CSMD1: variants seen among roughly 807,000 people sequenced by gnomAD.
The protein encoded by CSMD1 is CUB and Sushi multiple domains 1, also known as CUB and sushi domain-containing protein 1.
A neutral mutation model predicts 417.5 loss-of-function variants in CSMD1; 213 were observed. The observed-to-expected ratio is 0.51, with a 90% CI of 0.46 to 0.57. CSMD1 has a LOEUF of 0.57. Among genes scored for constraint, CSMD1 ranks in the 20% least tolerant of loss-of-function variants. The pLI is 0.00. For missense variants in CSMD1, 6,923 were observed against 4,529.7 expected (o/e 1.53, Z -15.17); for synonymous variants, 2,862 against 1,736.8 (o/e 1.65, Z -16.11).
At chr8:3,996,936 G>T (rs992322576) in intron 5 of CSMD1, among the ~76,000 whole-genome samples, 1 of 152,114 alleles carries the variant, frequency 6.6e-6, no homozygotes, top group African/African-American at 2.4e-5. Context: ...TGACATGTTT[G>T]TCTGGTAGCC....
At chr8:4,052,998 A>G (rs1798511085) in intron 3 of CSMD1, among the ~76,000 whole-genome samples, 1 of 152,164 alleles carries the variant, frequency 6.6e-6, no homozygotes, top group Admixed American at 6.5e-5. Context: ...TCAGCTAAAG[A>G]AGTGGCCTTA....
chr8:3,047,230 A>C (rs1222186953), intron 50 of CSMD1, among the ~76,000 whole-genome samples: 1 of 148,590 alleles, frequency 6.7e-6, no homozygotes, highest in Non-Finnish European at 1.5e-5. Flanking sequence ...AAAAAAAAAA[A>C]AAAAAAAAGA....
intron 3 of CSMD1, among the ~76,000 whole-genome samples, chr8:4,384,024 C>G (rs1315060906): frequency 6.7e-6 from 1 of 148,902 alleles, no homozygotes; most frequent in Non-Finnish European, 1.5e-5. Flanking sequence ...CACCCCCCGC[C>G]TCATAACAGA....
At chr8:4,819,230 TTAACTAG>T (rs1449806015) in intron 1 of CSMD1, among the ~76,000 whole-genome samples, 1 of 152,148 alleles carries the variant, frequency 6.6e-6, no homozygotes, top group East Asian at 1.9e-4. Flanking sequence ...TATTACAATA[TTAACTAG>T]TATTTGGCAT....
chr8:4,946,766 A>T (rs1808397422), intron 1 of CSMD1, among the ~76,000 whole-genome samples: 2 of 152,200 alleles, frequency 1.3e-5, no homozygotes, highest in African/African-American at 2.4e-5. Flanking sequence ...TATAACACCA[A>T]TGTTACTGGC....
intron 2 of CSMD1, among the ~76,000 whole-genome samples, chr8:4,578,380 C>T (rs1469851564): frequency 5.2e-5 from 7 of 134,654 alleles, no homozygotes; most frequent in African/African-American, 2.1e-4. Flanking sequence ...GGGGTTTCAC[C>T]GTGTTAGCCA....
intron 2 of CSMD1, among the ~76,000 whole-genome samples, chr8:4,566,212 G>A (rs1186180070): frequency 6.6e-6 from 1 of 152,040 alleles, no homozygotes; most frequent in Non-Finnish European, 1.5e-5. Context: ...TAGTCAAAAT[G>A]TATACATTCA....
At chr8:3,714,099 T>C (rs1801685330) in intron 6 of CSMD1, among the ~76,000 whole-genome samples, 1 of 150,662 alleles carries the variant, frequency 6.6e-6, no homozygotes, top group Admixed American at 6.6e-5. Context: ...CATGTATATA[T>C]ATAAATGTAT....
chr8:3,854,232 T>C (rs1804134524), intron 5 of CSMD1, among the ~76,000 whole-genome samples: 1 of 150,450 alleles, frequency 6.6e-6, no homozygotes, highest in South Asian at 2.1e-4. Context: ...TGTGAAACTT[T>C]CTTAAAATCT....
At chr8:4,456,184 C>G (rs993500500) in intron 2 of CSMD1, among the ~76,000 whole-genome samples, 5 of 151,256 alleles carry the variant, frequency 3.3e-5, no homozygotes, top group African/African-American at 1.2e-4. Context: ...AAGCATGACA[C>G]AAACTTTATT....
chr8:3,364,846 T>G (rs896329887), intron 20 of CSMD1, among the ~76,000 whole-genome samples: 6 of 152,196 alleles, frequency 3.9e-5, no homozygotes, highest in Non-Finnish European at 7.3e-5. Flanking sequence ...GGTATGCTGT[T>G]ATGGCAAGTG....
chr8:4,183,880 G>A (rs958108352), intron 3 of CSMD1, among the ~76,000 whole-genome samples: 18 of 152,184 alleles, frequency 1.2e-4, no homozygotes, highest in Middle Eastern at 3.4e-3. Context: ...TTTTTAGTTG[G>A]GGCATGTGGA....
chr8:3,042,422 G>A (rs749618222), intron 50 of CSMD1, among the ~76,000 whole-genome samples: 72 of 152,190 alleles, frequency 4.7e-4, no homozygotes, highest in Non-Finnish European at 8.8e-4. Flanking sequence ...ACCTTAATAG[G>A]TATTTTCTAA....
intron 14 of CSMD1, among the ~76,000 whole-genome samples, chr8:3,407,616 T>A (rs141819815): frequency 2.0e-5 from 3 of 152,006 alleles, no homozygotes; most frequent in Non-Finnish European, 2.9e-5. Context: ...AATGGATGGA[T>A]GGATAAATGG....
chr8:4,855,105 C>A (rs911684409), intron 1 of CSMD1, among the ~76,000 whole-genome samples: 14 of 151,852 alleles, frequency 9.2e-5, no homozygotes, highest in Non-Finnish European at 1.6e-4. Flanking sequence ...GGTCCCTGAC[C>A]CCTGACCCCC....
In CSMD1 at chr8:4,487,708, A is replaced by T. The variant is rs531101011; in HGVS notation, c.303-67643T>A. On this transcript the variant is annotated intron_variant, in intron 2 of 69. Coordinates refer to ENST00000635120, the MANE Select transcript of CSMD1 (RefSeq NM_033225.6). The stretch of plus-strand genomic sequence containing the variant: ...AGTCCATTTAAAAAATTTTGCCAAA[A>T]TGCCTGTTTAGAGGATATAAAAATA... Among the ~76,000 whole-genome samples the T allele has an allele frequency of 8.5e-5, 13 of 152,356 alleles. No homozygotes were observed. In the East Asian group the frequency reaches 2.5e-3, roughly 29 times the overall value.
intron 8 of CSMD1, among the ~76,000 whole-genome samples, chr8:3,592,217 GGATA>G (rs1461396970): frequency 1.3e-5 from 2 of 151,644 alleles, no homozygotes; most frequent in African/African-American, 2.4e-5. Context: ...ATAAACAAGT[GGATA>G]GATAGATACA....
intron 1 of CSMD1, among the ~76,000 whole-genome samples, chr8:4,830,500 G>A (rs1324207281): frequency 6.6e-6 from 1 of 152,202 alleles, no homozygotes; most frequent in Admixed American, 6.5e-5. Flanking sequence ...GAAGAATCAA[G>A]AAGCTACTGC....
intron 5 of CSMD1, among the ~76,000 whole-genome samples, chr8:3,770,064 T>A (rs1798487578): frequency 6.6e-6 from 1 of 152,190 alleles, no homozygotes; most frequent in Non-Finnish European, 1.5e-5. Context: ...AGGGAAGGCT[T>A]GCGTCTCTAT....
Sources: gnomAD v4.1 joint callset for allele counts (sites outside exome capture counted in the v4.1 genomes callset) on GRCh38, gnomAD v4.1.1 for gene constraint, MANE v1.5 for transcripts, NCBI Gene and HGNC (gene_info 2026-07-23, HGNC 2026-07-21) for gene names.